SDK1: variants seen among roughly 807,000 people sequenced by gnomAD.
The protein encoded by SDK1 is sidekick cell adhesion molecule 1, also known as protein sidekick-1.
SDK1 carries 157 observed loss-of-function variants against 245.5 expected under a neutral mutation model. That is an observed-to-expected ratio of 0.64 (90% CI 0.56 to 0.73). The LOEUF (loss-of-function observed/expected upper bound fraction) is 0.73. SDK1 is among the 30% of genes least tolerant of loss of function. SDK1 has a pLI of 0.00. For missense variants in SDK1, 3,583 were observed against 3,002.3 expected (o/e 1.19, Z -4.52); for synonymous variants, 1,647 against 1,278.5 (o/e 1.29, Z -6.15).
intron 1 of SDK1, among the ~76,000 whole-genome samples, chr7:3,397,253 ATATTG>A (rs1441633450): frequency 1.3e-5 from 2 of 151,932 alleles, no homozygotes; most frequent in African/African-American, 2.4e-5. Flanking sequence ...AAAAACAATT[ATATTG>A]TATTTTATAT....
At chr7:4,181,668 C>T (rs674794) in intron 35 of SDK1, among the ~76,000 whole-genome samples, 1 of 152,048 alleles carries the variant, frequency 6.6e-6, no homozygotes, top group Non-Finnish European at 1.5e-5. Context: ...GCCCAGAGGC[C>T]TGGGCTCTGC....
At chr7:4,053,714 CA>C (rs1779027400) in intron 19 of SDK1, among the ~76,000 whole-genome samples, 1 of 152,202 alleles carries the variant, frequency 6.6e-6, no homozygotes, top group South Asian at 2.1e-4. Flanking sequence ...AAATGAGTGA[CA>C]GGGGAGGAAT....
At chr7:3,672,782 T>C (rs1357001687) in intron 4 of SDK1, among the ~76,000 whole-genome samples, 2 of 103,596 alleles carry the variant, frequency 1.9e-5, no homozygotes, top group African/African-American at 7.2e-5. Flanking sequence ...TATATATATA[T>C]ATATATATAT....
chr7:3,502,061 A>G (rs897466015), intron 1 of SDK1, among the ~76,000 whole-genome samples: 1 of 152,136 alleles, frequency 6.6e-6, no homozygotes, highest in Non-Finnish European at 1.5e-5. Context: ...TTTGATTTCT[A>G]TAATTAAAAA....
chr7:4,262,465 GAAA>G (rs919018234), intron 44 of SDK1, among the ~76,000 whole-genome samples: 25 of 144,730 alleles, frequency 1.7e-4, no homozygotes, highest in African/African-American at 5.1e-4. Context: ...TTATAAAAAG[GAAA>G]AAAAAAAGCC....
chr7:4,064,289 A>T (rs982362498), intron 19 of SDK1, among the ~76,000 whole-genome samples: 3 of 152,172 alleles, frequency 2.0e-5, no homozygotes, highest in African/African-American at 7.2e-5. Context: ...TCAAAAGCAG[A>T]CATACAGATG....
intron 17 of SDK1, among the ~76,000 whole-genome samples, chr7:4,041,081 T>C (rs963072550): frequency 6.6e-5 from 10 of 152,222 alleles, no homozygotes; most frequent in Non-Finnish European, 1.2e-4. Flanking sequence ...CCTGTATCAA[T>C]TGGTCCTGTG....
At chr7:4,020,395 T>C (rs1354975814) in intron 17 of SDK1, among the ~76,000 whole-genome samples, 1 of 152,184 alleles carries the variant, frequency 6.6e-6, no homozygotes, top group Non-Finnish European at 1.5e-5. Flanking sequence ...ACGCTGCCGC[T>C]GAACAGAATG....
At chr7:3,566,541 A>G (rs1487199708) in intron 1 of SDK1, among the ~76,000 whole-genome samples, 1 of 152,092 alleles carries the variant, frequency 6.6e-6, no homozygotes, top group Non-Finnish European at 1.5e-5. Context: ...CTTCTTAAAA[A>G]CATAAAGCAG....
intron 44 of SDK1, among the ~76,000 whole-genome samples, chr7:4,254,296 A>C (rs1562484787): frequency 6.6e-6 from 1 of 152,066 alleles, no homozygotes; most frequent in Non-Finnish European, 1.5e-5. Context: ...TATTTATCAA[A>C]GGCTCTGTCC....
intron 1 of SDK1, among the ~76,000 whole-genome samples, chr7:3,522,519 G>C (rs1782975152): frequency 6.6e-6 from 1 of 151,434 alleles, no homozygotes. Flanking sequence ...CAGGGTGTTT[G>C]TCTTGATTAT....
At chr7:3,798,901 C>T (rs908428464) in intron 4 of SDK1, among the ~76,000 whole-genome samples, 3 of 152,120 alleles carry the variant, frequency 2.0e-5, no homozygotes, top group Non-Finnish European at 4.4e-5. Context: ...GAAGTTGTGC[C>T]CACTAATTTT....
chr7:3,975,835 C>A (rs1185078271), intron 13 of SDK1, among the ~76,000 whole-genome samples: 1 of 152,260 alleles, frequency 6.6e-6, no homozygotes, highest in African/African-American at 2.4e-5. Flanking sequence ...GGCAGGAGTC[C>A]CCATGGCTCT....
intron 35 of SDK1, among the ~76,000 whole-genome samples, chr7:4,201,518 A>G (rs930932509): frequency 6.6e-6 from 1 of 152,262 alleles, no homozygotes; most frequent in Non-Finnish European, 1.5e-5. Context: ...TGATTCTCAA[A>G]TTATCCATTA....
chr7:4,055,261 C>G (rs1179942625), intron 19 of SDK1, among the ~76,000 whole-genome samples: 2 of 152,102 alleles, frequency 1.3e-5, no homozygotes. Context: ...AATATAAATG[C>G]AATTTATAAA....
intron 1 of SDK1, among the ~76,000 whole-genome samples, chr7:3,445,873 G>A (rs553138344): frequency 1.3e-5 from 2 of 151,632 alleles, no homozygotes; most frequent in African/African-American, 4.8e-5. Context: ...CCTTCCTGAT[G>A]TTCTAATATT....
At chr7:3,349,750 C>T (rs1225577643) in intron 1 of SDK1, among the ~76,000 whole-genome samples, 2 of 146,568 alleles carry the variant, frequency 1.4e-5, no homozygotes, top group Non-Finnish European at 3.0e-5. Flanking sequence ...CAGGCACCTG[C>T]CACCACGCCT....
At chr7:3,483,643 A>G (rs1479228474) in intron 1 of SDK1, among the ~76,000 whole-genome samples, 1 of 152,166 alleles carries the variant, frequency 6.6e-6, no homozygotes, top group African/African-American at 2.4e-5. Flanking sequence ...GGATGCTTCT[A>G]ATATTTTACC....
At chr7:3,860,063 G>C (rs985019372) in intron 5 of SDK1, among the ~76,000 whole-genome samples, 1 of 151,740 alleles carries the variant, frequency 6.6e-6, no homozygotes, top group African/African-American at 2.4e-5. Context: ...GGGACTACAG[G>C]TGCCTGCCAC....
Sources: gnomAD v4.1 joint callset for allele counts (sites outside exome capture counted in the v4.1 genomes callset) on GRCh38, gnomAD v4.1.1 for gene constraint, MANE v1.5 for transcripts, NCBI Gene and HGNC (gene_info 2026-07-23, HGNC 2026-07-21) for gene names.